The following OR2AK2 variants were observed in gnomAD, a reference collection of about 807,000 sequenced individuals.
The protein encoded by OR2AK2 is olfactory receptor family 2 subfamily AK member 2.
For synonymous variants in OR2AK2, 139 were observed against 147.2 expected, an observed-to-expected ratio of 0.94 and a Z score of 0.40; for missense variants, 392 against 384.1, an observed-to-expected ratio of 1.02 and a Z score of -0.17.
chr1:247,965,304 TTCTCTTAAGGG>T lies in OR2AK2; in HGVS notation c.-72_-62del. On this transcript the variant is annotated 5_prime_UTR_variant, in exon 1 of 1. An upstream open reading frame in the 5' UTR gains an earlier in-frame stop. Coordinates refer to ENST00000366480, the Ensembl canonical transcript of OR2AK2. ...TTTCTGAATGCCATGTCATTTTACT[TTCTCTTAAGGG>T]AAGTCAACATTATTACATGAACATT... 6.8e-7 allele frequency: 1 copy of T among 1,469,654 alleles called. No homozygotes were observed. Among genetic ancestry groups the T allele is most frequent in the Non-Finnish European group, 9.0e-7 (1 of 1,105,432 alleles). The allele number at this position is 1,469,654 out of a possible 1,614,324, so 91.0% of individuals were successfully genotyped here.
exon 1 of OR2AK2, chr1:247,965,987 T>C (rs1057059738): frequency 1.1e-5 from 17 of 1,611,812 alleles, no homozygotes; most frequent in Non-Finnish European, 1.4e-5. Context: ...CTGAGTGGAC[T>C]TATTATCTTG....
chr1:247,965,706 T>C (rs1285879443), exon 1 of OR2AK2: 1 of 1,555,946 alleles, frequency 6.4e-7, no homozygotes, highest in Non-Finnish European at 8.7e-7. Context: ...TTGGTGGAAC[T>C]GAAGCCCTTC....
exon 1 of OR2AK2, chr1:247,965,524 C>G (rs767778692): frequency 6.2e-7 from 1 of 1,613,064 alleles, no homozygotes; most frequent in Non-Finnish European, 8.5e-7. Context: ...CCACCTCATT[C>G]GACTGAACAC....
chr1:247,965,699 G>A (rs754926339), exon 1 of OR2AK2: 2 of 1,555,760 alleles, frequency 1.3e-6, no homozygotes, highest in African/African-American at 2.7e-5. Flanking sequence ...TTGGCCCTTG[G>A]TGGAACTGAA....
exon 1 of OR2AK2, chr1:247,966,323 T>C (rs1424550722): frequency 6.2e-7 from 1 of 1,612,470 alleles, no homozygotes; most frequent in African/African-American, 1.3e-5. Context: ...AAATATGACT[T>C]CAGATCTCTG....
exon 1 of OR2AK2, chr1:247,965,753 T>C (rs751350214): frequency 1.3e-6 from 2 of 1,572,234 alleles, no homozygotes; most frequent in Admixed American, 3.6e-5. Flanking sequence ...TATGTAGCTA[T>C]CTGTCACCCT....
exon 1 of OR2AK2, chr1:247,965,998 C>T: frequency 4.3e-6 from 7 of 1,612,208 alleles, no homozygotes; most frequent in Non-Finnish European, 5.9e-6. Context: ...TATTATCTTG[C>T]TACTACCATT....
In OR2AK2 at chr1:247,966,297, T is replaced by A. The variant is rs776067984; in HGVS notation, c.921T>A (p.Tyr307Ter). ...GGGCAGTGAGGAGACTGTTGGGATA[T>A]TGGATATGCTGTAGAAAATATGACT... The change falls in exon 1 of 1, where the codon TAT becomes TAA. Residue 307 changes from tyrosine (Y) to a stop codon, truncating the protein, a stop_gained. Coordinates refer to ENST00000366480, the Ensembl canonical transcript of OR2AK2. LOFTEE classifies it low-confidence loss of function (END_TRUNC). 55 of 1,613,430 alleles carry A rather than the reference T, an allele frequency of 3.4e-5. No individual in the cohort carries two copies. In the South Asian group the frequency reaches 6.0e-4, roughly 18 times the overall value.
Position 247,966,185 on chromosome 1 carries a change from G to A in OR2AK2, c.809G>A (p.Arg270Gln), listed in dbSNP as rs773845973. Residue 270 changes from arginine to glutamine, a missense_variant, in exon 1 of 1, where the codon CGG (arginine) becomes CAG (glutamine). Physicochemically the swap from Arg to Gln is conservative, Grantham distance 43. Coordinates refer to ENST00000366480, the Ensembl canonical transcript of OR2AK2. ...CCACACTCCTTGCGTTCCCCTTCACGGGATAAGGCGGTGGCAGTATTTTAC... is the reference window on the plus strand; with the variant it reads ...CCACACTCCTTGCGTTCCCCTTCACAGGATAAGGCGGTGGCAGTATTTTAC... 8.2e-5 allele frequency: 133 copies of A among 1,613,810 alleles called. No individual in the cohort carries two copies. Among genetic ancestry groups the A allele is most frequent in the Non-Finnish European group, 8.6e-5 (102 of 1,179,974 alleles).
chr1:247,965,567 G>A (rs1660948163), exon 1 of OR2AK2: 1 of 1,604,932 alleles, frequency 6.2e-7, no homozygotes, highest in African/African-American at 1.3e-5. Context: ...TTTCTGCTCA[G>A]TCAGCTCTCC....
chr1:247,965,883 T>C, exon 1 of OR2AK2: 3 of 1,613,760 alleles, frequency 1.9e-6, no homozygotes, highest in Non-Finnish European at 2.5e-6. Context: ...TTCCATTCTG[T>C]AGGTCTCGGC....
At position 247,965,834 on chromosome 1, in the gene OR2AK2, C is replaced by T. The variant is rs772629623; in HGVS notation, c.458C>T (p.Ser153Phe). ...GTTGCATGTGCATGGGCCAGTGGTT[C>T]TATCAATGCTTTCATACATACATTG... is the stretch of plus-strand genomic sequence containing the variant. Residue 153 changes from serine to phenylalanine, a missense_variant, in exon 1 of 1, where the codon TCT becomes TTT. Coordinates refer to ENST00000366480, the Ensembl canonical transcript of OR2AK2. The T allele has an allele frequency of 9.9e-6, 16 of 1,613,242 alleles. No homozygotes were observed. The Admixed American group carries it at 2.7e-4, about 27-fold the overall frequency.
At chr1:247,966,034 C>G (rs574711780) in exon 1 of OR2AK2, 5 of 1,613,942 alleles carry the variant, frequency 3.1e-6, no homozygotes, top group Non-Finnish European at 4.2e-6. Context: ...TTCCTATGCT[C>G]GTGTGCTTAT....
chr1:247,966,131 AT>A lies in OR2AK2; in HGVS notation c.756del (p.Tyr252Ter). The A allele has an allele frequency of 1.2e-6, 2 of 1,614,164 alleles. No homozygotes were observed. Among genetic ancestry groups the A allele is most frequent in the Non-Finnish European group, 1.7e-6 (2 of 1,180,034 alleles). On this transcript the variant is annotated frameshift_variant, in exon 1 of 1. Coordinates refer to ENST00000366480, the Ensembl canonical transcript of OR2AK2. LOFTEE classifies it low-confidence loss of function (END_TRUNC). ...CACCTGATTGTGGCAAGCCTGTTCT[AT>A]GCAACCACTCTCTTTACCTACACAA... is the stretch of plus-strand genomic sequence containing the variant.
At chr1:247,966,023 C>T (rs141137318) in exon 1 of OR2AK2, 1 of 1,613,712 alleles carries the variant, frequency 6.2e-7, no homozygotes, top group African/African-American at 1.3e-5. Context: ...GCCATTCTGG[C>T]TTCCTATGCT....
In OR2AK2 at chr1:247,965,893, C is replaced by T. The variant is rs74153218; in HGVS notation, c.517C>T (p.Leu173Phe). 1.1e-3 allele frequency: 1,704 copies of T among 1,612,448 alleles called. 23 individuals carry two copies. The African/African-American group carries it at 0.02, about 19-fold the overall frequency. Residue 173 changes from leucine to phenylalanine, a missense_variant, in exon 1 of 1, where the codon CTC becomes TTC. Physicochemically the swap from Leu to Phe is conservative, Grantham distance 22 (BLOSUM62 0). Coordinates refer to ENST00000366480, the Ensembl canonical transcript of OR2AK2. ...TCAGCTTCCATTCTGTAGGTCTCGG[C>T]TCATTAACCACTTTTTCTGTGAAGT...
chr1:247,966,114 T>G lies in OR2AK2; in HGVS notation c.738T>G (p.Ile246Met), dbSNP rs753290116. The stretch of plus-strand genomic sequence containing the variant: ...TTTCCACTTGTTCCTCCCACCTGAT[T>G]GTGGCAAGCCTGTTCTATGCAACCA... The change falls in exon 1 of 1, where the codon ATT (isoleucine) becomes ATG (methionine). Residue 246 changes from isoleucine (I) to methionine (M), a missense_variant. Physicochemically the swap from Ile to Met is conservative, Grantham distance 10. Coordinates refer to ENST00000366480, the Ensembl canonical transcript of OR2AK2. 2.5e-6 allele frequency: 4 copies of G among 1,609,776 alleles called. No individual in the cohort carries two copies. The East Asian group carries it at 8.9e-5, about 36-fold the overall frequency.
In OR2AK2 at chr1:247,965,359, G is replaced by T; in HGVS notation, c.-18G>T. ...GAACATTTCAGATGTCATCTCCTTT[G>T]ATATTTTGGTTTCAGCCATGAAAAC... On this transcript the variant is annotated 5_prime_UTR_variant, in exon 1 of 1. Coordinates refer to ENST00000366480, the Ensembl canonical transcript of OR2AK2. 1 of 1,599,396 alleles carries T rather than the reference G, an allele frequency of 6.3e-7. No homozygotes were observed. Among genetic ancestry groups the T allele is most frequent in the South Asian group, 1.1e-5 (1 of 87,950 alleles).
chr1:247,965,722 G>T (rs772506769), exon 1 of OR2AK2: 1 of 1,555,882 alleles, frequency 6.4e-7, no homozygotes, highest in Non-Finnish European at 8.7e-7. Context: ...CCTTCTCCTT[G>T]GTTTTATGTC....
Sources: gnomAD v4.1 joint callset for allele counts on GRCh38, gnomAD v4.1.1 for gene constraint, MANE v1.5 for transcripts, NCBI Gene and HGNC (gene_info 2026-07-23, HGNC 2026-07-21) for gene names.